Variants in ZNF226 observed in about 807,000 individuals in gnomAD.
ZNF226 encodes the protein Kruppel-associated box protein.
A neutral mutation model predicts 11.4 loss-of-function variants in ZNF226; 6 were observed. The observed-to-expected ratio is 0.53, with a 90% confidence interval of 0.29 to 1.04. ZNF226 has a LOEUF of 1.04. ZNF226 is among the 50% of genes least tolerant of loss of function. The pLI is 0.08. For synonymous variants in ZNF226, 350 were observed against 322.8 expected (o/e 1.08, Z -0.90); for missense variants, 1,058 against 956.5 (o/e 1.11, Z -1.40).
intron 5 of ZNF226, 82 bp downstream of exon 5, chr19:44,173,034 T>G: frequency 7.6e-7 from 1 of 1,316,264 alleles, no homozygotes; most frequent in Non-Finnish European, 1.1e-6. Context: ...CATCACCTGG[T>G]CCAAATTGCC....
rs748898280 is a variant in ZNF226 at position 44,176,880 on chromosome 19, T to C, written c.1618T>C (p.Phe540Leu). The change falls in exon 6 of 6, where the codon TTC (phenylalanine) becomes CTC (leucine). Residue 540 changes from phenylalanine (F) to leucine (L), a missense_variant. Transcript: ENST00000337433. ...PYKCEICGKG[F>L]SQSSYLQIHQ... is the part of the protein sequence containing the mutation. ...TAAATGTGAGATATGTGGGAAGGGC[T>C]TCAGTCAAAGTTCGTATCTTCAAAT... 6.2e-7 allele frequency: 1 copy of C among 1,614,014 alleles called. No individual in the cohort carries two copies. The highest frequency in any genetic ancestry group is 8.5e-7 in the Non-Finnish European group (1 of 1,180,004).
intron 2 of ZNF226, among the ~76,000 whole-genome samples, chr19:44,168,923 CTTTCT>C (rs1969727576): frequency 6.9e-6 from 1 of 145,880 alleles, no homozygotes; most frequent in Non-Finnish European, 1.5e-5. Flanking sequence ...ACTATAGGAG[CTTTCT>C]TTTGTCACCC....
intron 2 of ZNF226, among the ~76,000 whole-genome samples, chr19:44,166,407 A>G (rs191502073): frequency 5.3e-4 from 80 of 152,324 alleles, no homozygotes; most frequent in Non-Finnish European, 8.7e-4. Flanking sequence ...AAGCTGGGGC[A>G]GGAGAATCGC....
the ZNF226 span, among the ~76,000 whole-genome samples, chr19:44,188,192 A>G: frequency 2.0e-5 from 3 of 152,108 alleles, no homozygotes; most frequent in Admixed American, 2.0e-4. Flanking sequence ...TCTTCTGTCT[A>G]GTTCTATCCA....
intron 5 of ZNF226, chr19:44,175,067 T>A (rs373435884): frequency 1.2e-5 from 19 of 1,608,850 alleles, no homozygotes; most frequent in Non-Finnish European, 1.6e-5. Flanking sequence ...ATGTTGGAAG[T>A]CATTTATATA....
At chr19:44,195,465 T>C in the ZNF226 span, among the ~76,000 whole-genome samples, 89 of 152,308 alleles carry the variant, frequency 5.8e-4, no homozygotes, top group African/African-American at 2.0e-3. Flanking sequence ...GAAAATTGTA[T>C]TTATTCAGGA....
Position 44,176,959 on chromosome 19 carries a change from A to G in ZNF226, c.1697A>G (p.Gln566Arg), listed in dbSNP as rs767505724. The change falls in exon 6 of 6, where the codon CAG (glutamine) becomes CGG (arginine). Residue 566 changes from glutamine to arginine, a missense_variant. Physicochemically the swap from Gln to Arg is conservative, Grantham distance 43. Coordinates refer to ENST00000337433, the MANE Select transcript of ZNF226 (RefSeq NM_001032373.2). ...CCTTTTAAGTGTGAGGAGTGTGGGC[A>G]GGGTTTCAATCAGAGCTCACGACTT... ...EKPFKCEECG[Q>R]GFNQSSRLQI... 19 of 1,613,904 alleles carry G rather than the reference A, an allele frequency of 1.2e-5. No homozygotes were observed. The highest frequency in any genetic ancestry group is 5.0e-5 in the Admixed American group (3 of 60,002).
rs1346647134 is a variant in ZNF226, at chr19:44,175,258, G to C, written c.236-240G>C. 4 of 1,399,508 alleles carry C rather than the reference G, an allele frequency of 2.9e-6. No individual in the cohort carries two copies. The African/African-American group carries it at 5.8e-5, about 20-fold the overall frequency. The allele number at this position is 1,399,508 out of a possible 1,614,324, so 86.7% of individuals were successfully genotyped here. The stretch of plus-strand genomic sequence containing the variant: ...AAAAAATTTAGATAGTATGTCAGTA[G>C]TTGTGTTTTTAAATGGGTTTCATTA... On this transcript the variant is annotated intron_variant, in intron 5 of 5. Coordinates refer to ENST00000337433, the MANE Select transcript of ZNF226 (RefSeq NM_001032373.2).
chr19:44,186,713 T>C, the ZNF226 span, among the ~76,000 whole-genome samples: 2 of 152,196 alleles, frequency 1.3e-5, no homozygotes, highest in Admixed American at 1.3e-4. Flanking sequence ...GAATATCCAG[T>C]ACTATGTCAA....
intron 4 of ZNF226, chr19:44,172,640 G>A: frequency 1.9e-6 from 1 of 534,934 alleles, no homozygotes; most frequent in Non-Finnish European, 3.3e-6. Flanking sequence ...ACAGACATTA[G>A]TTAAAAATAG....
intron 5 of ZNF226, 123 bp from the exon 6 acceptor site, chr19:44,175,375 G>T (rs1970580333): frequency 7.0e-7 from 1 of 1,430,492 alleles, no homozygotes; most frequent in Non-Finnish European, 9.1e-7. Context: ...CTTCAAATGT[G>T]TCACAAAAGA....
At chr19:44,167,258 T>G (rs1328602285) in intron 2 of ZNF226, among the ~76,000 whole-genome samples, 1 of 152,092 alleles carries the variant, frequency 6.6e-6, no homozygotes, top group East Asian at 1.9e-4. Context: ...TTGCCATAGT[T>G]GTCATCATCT....
At chr19:44,175,376 T>TC in intron 5 of ZNF226, 122 bp from the exon 6 acceptor site, 1 of 1,431,388 alleles carries the variant, frequency 7.0e-7, no homozygotes, top group Non-Finnish European at 9.1e-7. Flanking sequence ...TTCAAATGTG[T>TC]CACAAAAGAT....
At chr19:44,193,425 A>G in the ZNF226 span, among the ~76,000 whole-genome samples, 9 of 150,506 alleles carry the variant, frequency 6.0e-5, no homozygotes, top group African/African-American at 2.2e-4. Context: ...AGTTAAGATC[A>G]GTTTTTCATA....
chr19:44,193,863 G>T, the ZNF226 span, among the ~76,000 whole-genome samples: 2 of 152,160 alleles, frequency 1.3e-5, no homozygotes, highest in Non-Finnish European at 2.9e-5. Flanking sequence ...TTTTAAATGT[G>T]CATGAGAAAG....
At chr19:44,192,750 G>A in the ZNF226 span, among the ~76,000 whole-genome samples, 1 of 152,166 alleles carries the variant, frequency 6.6e-6, no homozygotes, top group African/African-American at 2.4e-5. Flanking sequence ...GGAAAAAGCT[G>A]CAGTTCAGAA....
intron 5 of ZNF226, chr19:44,173,989 C>T (rs980844862): frequency 3.3e-5 from 5 of 152,196 alleles, no homozygotes; most frequent in African/African-American, 1.2e-4. Context: ...ATGGCAGAGA[C>T]ACTATAAATA....
At chr19:44,189,035 G>A in the ZNF226 span, among the ~76,000 whole-genome samples, 1 of 152,166 alleles carries the variant, frequency 6.6e-6, no homozygotes, top group Non-Finnish European at 1.5e-5. Flanking sequence ...TTTGTGTAAG[G>A]TCATGACATT....
intron 2 of ZNF226, among the ~76,000 whole-genome samples, chr19:44,168,997 C>CTTT (rs1969742567): frequency 8.0e-6 from 1 of 125,316 alleles, no homozygotes; most frequent in African/African-American, 3.7e-5. Flanking sequence ...CCTCCCTTTT[C>CTTT]CTTTTTTTTT....
Sources: allele counts gnomAD v4.1 joint callset (sites outside exome capture counted in the v4.1 genomes callset), GRCh38; gene constraint gnomAD v4.1.1; transcripts MANE v1.5; gene names NCBI Gene and HGNC (gene_info 2026-07-23, HGNC 2026-07-21).